CARS1: variants seen among roughly 807,000 people sequenced by gnomAD.
The protein encoded by CARS1 is cysteinyl-tRNA synthetase 1.
In CARS1, 48 loss-of-function variants were observed where a neutral mutation model predicts 106.2. The observed-to-expected ratio is 0.45, with a 90% CI of 0.36 to 0.57. CARS1 has a LOEUF of 0.57. Ranked by LOEUF, CARS1 falls within the 20% of genes least tolerant of loss-of-function variation. CARS1 has a pLI of 0.00. For missense variants in CARS1, 968 were observed against 1,057.2 expected (o/e 0.92, Z 1.17); for synonymous variants, 409 against 403.4 (o/e 1.01, Z -0.17).
rs1169434857 is a variant in CARS1, at chr11:3,042,889, C to A, written c.275-633G>T. Among the ~76,000 whole-genome samples the A allele has an allele frequency of 6.6e-5, 10 of 152,350 alleles. No homozygotes were observed. In the East Asian group the frequency reaches 1.7e-3, roughly 26 times the overall value. On this transcript the variant is annotated intron_variant, in intron 2 of 22. Coordinates refer to ENST00000380525, the MANE Select transcript of CARS1 (RefSeq NM_001014437.3). ...CAGAAAGGACCCCCTGTGGCCACGG[C>A]CAGCAGGCAAGACTGGCTCCAGCCC...
intron 1 of CARS1, among the ~76,000 whole-genome samples, chr11:3,049,382 A>G (rs1048696816): frequency 6.6e-6 from 1 of 152,214 alleles, no homozygotes; most frequent in Admixed American, 6.5e-5. Context: ...CTGTCTCACC[A>G]TTCTAAGGAA....
rs772121299 is a variant in CARS1 at position 3,017,077 on chromosome 11, G to T, written c.1917+29C>A. On this transcript the variant is annotated intron_variant, in intron 16 of 22. Coordinates refer to ENST00000380525, the MANE Select transcript of CARS1 (RefSeq NM_001014437.3). This position sits in a 1 kb window ranked among gnomAD's most constrained non-coding sequence, Gnocchi z 4.9. ...TGGCTCCTGTGTCCACACAGGCTGAGGGATACGCCTGCCTGGGGCCTGGCT... is the reference window on the plus strand; with the variant it reads ...TGGCTCCTGTGTCCACACAGGCTGATGGATACGCCTGCCTGGGGCCTGGCT... 1 of 1,592,676 alleles carries T rather than the reference G, an allele frequency of 6.3e-7. No individual in the cohort carries two copies. Among genetic ancestry groups the T allele is most frequent in the Non-Finnish European group, 8.6e-7 (1 of 1,163,852 alleles).
rs1294682935 is a variant in CARS1, at chr11:3,012,240, A to G, written c.2023T>C (p.Ser675Pro). The change falls in exon 18 of 23, where the codon TCA becomes CCA. Residue 675 changes from serine (S) to proline (P), a missense_variant. Transcript: ENST00000380525. ...TTCCGCACTCCTTCTCGGAATTCTG[A>G]TAACACCTGAAGGTAGGGCATGACT... ...ATVMPYLQVLSEFREGVRKIA... is the reference protein window; with the variant it reads ...ATVMPYLQVLPEFREGVRKIA... 8 of 1,614,124 alleles carry G rather than the reference A, an allele frequency of 5.0e-6. No individual in the cohort carries two copies. Among genetic ancestry groups the G allele is most frequent in the Non-Finnish European group, 6.8e-6 (8 of 1,180,032 alleles).
chr11:3,017,259 G>A lies in CARS1; in HGVS notation c.1764C>T (p.Leu588=). ...YDKKTAIHKA[L]CDNVDTRTVM... ...CGGTGCGGGTGTCAACATTGTCACA[G>A]AGGGCTTTGTGAATTGCTGTCTTCT... The change falls in exon 16 of 23, where the codon CTC becomes CTT. Residue 588 remains leucine, a synonymous_variant. Transcript: ENST00000380525. This position sits in a 1 kb window ranked among gnomAD's most constrained non-coding sequence, Gnocchi z 4.9. 1 of 1,614,114 alleles carries A rather than the reference G, an allele frequency of 6.2e-7. No homozygotes were observed.
Position 3,019,594 on chromosome 11 carries a change from C to T in CARS1, c.1267-327G>A, listed in dbSNP as rs1400707767. ...TGACGTATGCCTGTAATCCCAGCTA[C>T]TCAGGAGGCTGAGGCAGGAGAATTG... On this transcript the variant is annotated intron_variant, in intron 11 of 22. Transcript: ENST00000380525. This position sits in a 1 kb window ranked among gnomAD's most constrained non-coding sequence, Gnocchi z 6.2. Among the ~76,000 whole-genome samples, 1 of 152,036 alleles carries T rather than the reference C, an allele frequency of 6.6e-6. No individual in the cohort carries two copies. The highest frequency in any genetic ancestry group is 1.5e-5 in the Non-Finnish European group (1 of 68,020).
rs964834305 is a variant in CARS1, at chr11:3,028,142, CCTCT to C, written c.1031+850_1031+853del. On this transcript the variant is annotated intron_variant, in intron 9 of 22. Coordinates refer to ENST00000380525, the MANE Select transcript of CARS1 (RefSeq NM_001014437.3). This position sits in a 1 kb window ranked among gnomAD's most constrained non-coding sequence, Gnocchi z 4.4. ...TGGCGTAAGCTGCCTCTCTCTGTCT[CCTCT>C]CTCTCTCTGCCTTGGCTGCCAGGCA... is the stretch of plus-strand genomic sequence containing the variant. 25 of 306,078 alleles carry C rather than the reference CCTCT, an allele frequency of 8.2e-5. No individual in the cohort carries two copies. The highest frequency in any genetic ancestry group is 7.7e-4 in the Admixed American group (17 of 22,170). The allele number at this position is 306,078 out of a possible 1,614,324, so 19.0% of individuals were successfully genotyped here.
At chr11:3,005,735 C>A (rs536298400) in intron 19 of CARS1, among the ~76,000 whole-genome samples, 11 of 150,520 alleles carry the variant, frequency 7.3e-5, no homozygotes, top group Non-Finnish European at 1.2e-4. Context: ...CGGGTTCAAG[C>A]AATTCTCGTG....
intron 10 of CARS1, among the ~76,000 whole-genome samples, chr11:3,024,425 T>C (rs757819070): frequency 1.6e-4 from 24 of 151,922 alleles, no homozygotes; most frequent in Non-Finnish European, 3.2e-4. Flanking sequence ...TCAGTGTTGG[T>C]ATCTTTTTTA....
intron 1 of CARS1, among the ~76,000 whole-genome samples, chr11:3,054,255 G>T (rs140266975): frequency 9.5e-4 from 145 of 152,258 alleles, no homozygotes; most frequent in African/African-American, 3.4e-3. Flanking sequence ...TCACCCCCAA[G>T]AACAGCATCT....
chr11:3,037,592 G>A lies in CARS1; in HGVS notation c.801+458C>T, dbSNP rs1281561080. Among the ~76,000 whole-genome samples the A allele has an allele frequency of 2.6e-5, 4 of 152,222 alleles. No individual in the cohort carries two copies. The highest frequency in any genetic ancestry group is 9.7e-5 in the African/African-American group (4 of 41,448). ...TGCCCTGTGTCTGAAGGAGATATTG[G>A]CAGGGGCAGGAGAGCTGGTCAACGT... On this transcript the variant is annotated intron_variant, in intron 7 of 22. Coordinates refer to ENST00000380525, the MANE Select transcript of CARS1 (RefSeq NM_001014437.3). This position sits in a 1 kb window ranked among gnomAD's most constrained non-coding sequence, Gnocchi z 5.9.
At chr11:3,031,260 T>C (rs1852723707) in intron 7 of CARS1, 1 of 152,210 alleles carries the variant, frequency 6.6e-6, no homozygotes, top group South Asian at 2.1e-4. Context: ...AAGACATATT[T>C]ACCAATCAAA....
chr11:3,047,939 C>T lies in CARS1; in HGVS notation c.88G>A (p.Glu30Lys), dbSNP rs1855278276. 3.7e-6 allele frequency: 6 copies of T among 1,614,034 alleles called. No homozygotes were observed. Among genetic ancestry groups the T allele is most frequent in the South Asian group, 2.2e-5 (2 of 91,082 alleles). Residue 30 changes from glutamate (E) to lysine (K), a missense_variant, in exon 2 of 23, where the codon GAG becomes AAG. Glu to Lys is a moderately conservative substitution (Grantham distance 56). Coordinates refer to ENST00000380525, the MANE Select transcript of CARS1 (RefSeq NM_001014437.3). ...ACATAGCTACGCGTGCTGAGGTGCT[C>T]GTTCAGGGCTTGTGCCCTGGCTGCC... ...DEAARAQALN[E>K]HLSTRSYVQG...
rs1381628415 is a variant in CARS1, at chr11:3,004,429, T to C, written c.2217+937A>G. Among the ~76,000 whole-genome samples the C allele has an allele frequency of 6.6e-6, 1 of 152,174 alleles. No individual in the cohort carries two copies. Among genetic ancestry groups the C allele is most frequent in the Non-Finnish European group, 1.5e-5 (1 of 68,026 alleles). The stretch of plus-strand genomic sequence containing the variant: ...CAACCACCCTGTCGATTCTCCTTCC[T>C]CAGTTCCTCCCAGAGCCTCCTTCCT... On this transcript the variant is annotated intron_variant, in intron 20 of 22. Coordinates refer to ENST00000380525, the MANE Select transcript of CARS1 (RefSeq NM_001014437.3). The surrounding 1 kb of genome is among the most constrained non-coding windows in gnomAD (Gnocchi z 5.2).
intron 18 of CARS1, among the ~76,000 whole-genome samples, chr11:3,011,482 C>T (rs1019459438): frequency 5.3e-5 from 8 of 151,634 alleles, no homozygotes; most frequent in Non-Finnish European, 1.0e-4. Flanking sequence ...GGCGCGGTGG[C>T]AGGCGCCTGT....
Position 3,039,789 on chromosome 11 carries a change from C to G in CARS1, c.552+46G>C. On this transcript the variant is annotated intron_variant, in intron 5 of 22. Transcript: ENST00000380525. This position sits in a 1 kb window ranked among gnomAD's most constrained non-coding sequence, Gnocchi z 5.6. ...TATGCGAAAGTTCTATCTTCTTTTA[C>G]ACCATCCAATTGCATTTAAAATTTA... 2.1e-6 allele frequency: 2 copies of G among 972,100 alleles called. No homozygotes were observed. Among genetic ancestry groups the G allele is most frequent in the Non-Finnish European group, 3.1e-6 (2 of 636,168 alleles). 60.2% of individuals were successfully genotyped at this position (972,100 alleles called of 1,614,324 possible).
rs1854490662 is a variant in CARS1, at chr11:3,041,794, T to C, written c.366+371A>G. Among the ~76,000 whole-genome samples the C allele has an allele frequency of 1.3e-5, 2 of 151,338 alleles. No homozygotes were observed. Among genetic ancestry groups the C allele is most frequent in the South Asian group, 4.1e-4 (2 of 4,832 alleles). The stretch of plus-strand genomic sequence containing the variant: ...AGCCAGTTTGCCGTTTTGTCCATCC[T>C]GCTTGGCTCATACAGTGCCACCTGC... On this transcript the variant is annotated intron_variant, in intron 3 of 22. Transcript: ENST00000380525. The surrounding 1 kb of genome is among the most constrained non-coding windows in gnomAD (Gnocchi z 4.9).
rs953453870 is a variant in CARS1 at position 3,017,118 on chromosome 11, G to T, written c.1905C>A (p.Thr635=). 3 of 1,613,370 alleles carry T rather than the reference G, an allele frequency of 1.9e-6. No homozygotes were observed. Among genetic ancestry groups the T allele is most frequent in the Non-Finnish European group, 2.5e-6 (3 of 1,179,506 alleles). Residue 635 remains threonine, a synonymous_variant, in exon 16 of 23, where the codon ACC becomes ACA. Transcript: ENST00000380525. The surrounding 1 kb of genome is among the most constrained non-coding windows in gnomAD (Gnocchi z 4.9). The stretch of plus-strand genomic sequence containing the variant: ...GGGCCTGGCTTACCTTCAGCATATG[G>T]GTGAGGTACAGGGCGATGTTCTCCA... The part of the protein sequence containing the change: ...ALLENIALYL[T]HMLKIFGAVE...
intron 20 of CARS1, 93 bp from the exon 21 acceptor site, chr11:3,002,693 T>G: frequency 6.3e-7 from 1 of 1,579,262 alleles, no homozygotes; most frequent in Non-Finnish European, 8.6e-7. Context: ...GCCCCTCTCC[T>G]AGGGCCTGGC....
intron 7 of CARS1, among the ~76,000 whole-genome samples, chr11:3,032,535 C>T (rs1021012974): frequency 1.3e-5 from 2 of 152,078 alleles, no homozygotes; most frequent in African/African-American, 4.8e-5. Context: ...CCAGCTGATG[C>T]CTGCTAGAGA....
Sources: allele counts gnomAD v4.1 joint callset (sites outside exome capture counted in the v4.1 genomes callset), GRCh38; gene constraint gnomAD v4.1.1; non-coding constraint Gnocchi (gnomAD v3.1); transcripts MANE v1.5; gene names NCBI Gene and HGNC (gene_info 2026-07-23, HGNC 2026-07-21).